TP63: variants seen among roughly 807,000 people sequenced by gnomAD.
TP63 encodes the protein tumor protein p63, also known as tumor protein 63.
Under a neutral mutation model 82.8 loss-of-function variants are expected in TP63, and 17 were observed. The ratio of observed to expected loss-of-function variants is 0.21; its 90% CI spans 0.14 to 0.31. The LOEUF is 0.31. Among genes scored for constraint, TP63 ranks in the 10% least tolerant of loss-of-function variants. TP63 has a pLI of 1.00. For synonymous variants in TP63, 330 were observed against 321.7 expected (o/e 1.03, Z -0.28); for missense variants, 648 against 895.3 (o/e 0.72, Z 3.52).
chr3:189,769,307 T>G (rs553586161), intron 3 of TP63, among the ~76,000 whole-genome samples: 63 of 152,340 alleles, frequency 4.1e-4, no homozygotes, highest in African/African-American at 1.4e-3. Context: ...GAGTAGAAGT[T>G]TATTCTGGGT....
chr3:189,701,603 G>A (rs1288583009), intron 1 of TP63, among the ~76,000 whole-genome samples: 1 of 150,226 alleles, frequency 6.7e-6, no homozygotes, highest in African/African-American at 2.4e-5. Context: ...CAGGAAATGT[G>A]GGAGGAATAC....
intron 1 of TP63, among the ~76,000 whole-genome samples, chr3:189,711,789 G>C (rs12638421): frequency 6.6e-6 from 1 of 152,138 alleles, no homozygotes; most frequent in African/African-American, 2.4e-5. Context: ...TCTCCAGTTA[G>C]GCCTATCCAC....
At chr3:189,674,548 A>G (rs1039250034) in intron 1 of TP63, among the ~76,000 whole-genome samples, 1 of 152,134 alleles carries the variant, frequency 6.6e-6, no homozygotes, top group African/African-American at 2.4e-5. Context: ...TGAGAAACAT[A>G]CAGAAAGTTT....
chr3:189,703,172 G>A (rs1000943474), intron 1 of TP63, among the ~76,000 whole-genome samples: 16 of 152,294 alleles, frequency 1.1e-4, no homozygotes, highest in African/African-American at 3.1e-4. Context: ...GGTGTCTCAC[G>A]CCTGTAATCC....
the TP63 span, among the ~76,000 whole-genome samples, chr3:189,616,981 T>C: frequency 6.6e-6 from 1 of 152,154 alleles, no homozygotes; most frequent in Non-Finnish European, 1.5e-5. Context: ...ATATGTTGCC[T>C]CCAGAACCCA....
At position 189,870,391 on chromosome 3, in the gene TP63, G is replaced by A. The variant is rs571000137; in HGVS notation, c.1212+985G>A. On this transcript the variant is annotated intron_variant, in intron 9 of 13. Coordinates refer to ENST00000264731, the MANE Select transcript of TP63 (RefSeq NM_003722.5). The stretch of plus-strand genomic sequence containing the variant: ...ATATAGTATAACAACTAATTGCATG[G>A]CATTTACATTATATTAGATATTATA... Among the ~76,000 whole-genome samples the A allele has an allele frequency of 1.8e-4, 27 of 152,140 alleles. 1 individual carries two copies. Among genetic ancestry groups the A allele is most frequent in the African/African-American group, 6.0e-4 (25 of 41,506 alleles).
At chr3:189,673,814 T>C (rs774996580) in intron 1 of TP63, among the ~76,000 whole-genome samples, 7 of 152,180 alleles carry the variant, frequency 4.6e-5, no homozygotes, top group African/African-American at 7.2e-5. Flanking sequence ...TTGTCATCAT[T>C]CATAAAATTC....
chr3:189,751,803 G>A (rs369688760), intron 3 of TP63, among the ~76,000 whole-genome samples: 38 of 152,186 alleles, frequency 2.5e-4, no homozygotes, highest in African/African-American at 6.7e-4. Flanking sequence ...TTCTTTTGCT[G>A]TGCAGAAGCT....
chr3:189,894,443 A>T lies in TP63; in HGVS notation c.1984A>T (p.Asn662Tyr). ...FPPRDEWNDF[N>Y]FDMDARRNKQ... is the part of the protein sequence containing the mutation. ...ACCCCGAGATGAGTGGAATGACTTC[A>T]ACTTTGACATGGATGCTCGCCGCAA... Residue 662 changes from asparagine (N) to tyrosine (Y), a missense_variant, in exon 14 of 14, where the codon AAC becomes TAC. This residue lies in a region of TP63 where 342 missense variants were observed against 425.7 expected (regional missense o/e 0.80). Transcript: ENST00000264731. 6.2e-7 allele frequency: 1 copy of T among 1,614,042 alleles called. No homozygotes were observed. The highest frequency in any genetic ancestry group is 8.5e-7 in the Non-Finnish European group (1 of 1,179,982).
chr3:189,834,314 C>T (rs1712801886), intron 4 of TP63, among the ~76,000 whole-genome samples: 1 of 152,156 alleles, frequency 6.6e-6, no homozygotes, highest in Non-Finnish European at 1.5e-5. Context: ...GTCTTACTGG[C>T]ACTGACAGTG....
chr3:189,727,554 G>T (rs1256255927), intron 1 of TP63, among the ~76,000 whole-genome samples: 1 of 152,170 alleles, frequency 6.6e-6, no homozygotes, highest in Non-Finnish European at 1.5e-5. Context: ...TTTTTTCCAA[G>T]AAGTTCTACT....
chr3:189,873,062 G>A, intron 10 of TP63, 67 bp downstream of exon 10: 1 of 1,608,442 alleles, frequency 6.2e-7, no homozygotes, highest in Admixed American at 1.7e-5. Context: ...TCAGCAATAG[G>A]GTGATTGATG....
intron 4 of TP63, among the ~76,000 whole-genome samples, chr3:189,814,632 T>G (rs1286911269): frequency 6.6e-6 from 1 of 152,254 alleles, no homozygotes; most frequent in Non-Finnish European, 1.5e-5. Flanking sequence ...AGGAAGAATG[T>G]ACTAAATAAA....
chr3:189,710,374 C>A (rs1718504551), intron 1 of TP63, among the ~76,000 whole-genome samples: 1 of 152,114 alleles, frequency 6.6e-6, no homozygotes, highest in African/African-American at 2.4e-5. Flanking sequence ...TACAGGTCAC[C>A]ACTCAGTTTC....
the TP63 span, among the ~76,000 whole-genome samples, chr3:189,622,400 T>C: frequency 6.6e-6 from 1 of 152,218 alleles, no homozygotes; most frequent in Non-Finnish European, 1.5e-5. Context: ...TGAGATCAGA[T>C]CCTGGCTCTA....
intron 1 of TP63, among the ~76,000 whole-genome samples, chr3:189,651,533 G>A (rs1304241526): frequency 3.2e-5 from 4 of 126,674 alleles, no homozygotes; most frequent in African/African-American, 5.9e-5. Context: ...GCAACAGAGT[G>A]AGATTCCATA....
Position 189,864,239 on chromosome 3 carries a change from C to T in TP63, c.587C>T (p.Thr196Ile). ...GGCCCCAACTCTAAGCAGTATTCCACTGAACTGAAGAAACTCTACTGCCAA... is the reference window on the plus strand; with the variant it reads ...GGCCCCAACTCTAAGCAGTATTCCATTGAACTGAAGAAACTCTACTGCCAA... ...TAKSATWTYS[T>I]ELKKLYCQIA... The change falls in exon 5 of 14, where the codon ACT becomes ATT. Residue 196 changes from threonine to isoleucine, a missense_variant. Transcript: ENST00000264731. 6.2e-7 allele frequency: 1 copy of T among 1,614,176 alleles called. No individual in the cohort carries two copies. The highest frequency in any genetic ancestry group is 8.5e-7 in the Non-Finnish European group (1 of 1,180,022).
chr3:189,621,502 A>G, the TP63 span, among the ~76,000 whole-genome samples: 1 of 151,922 alleles, frequency 6.6e-6, no homozygotes, highest in African/African-American at 2.4e-5. Flanking sequence ...TACATGTTAC[A>G]CTATAGTATA....
intron 3 of TP63, among the ~76,000 whole-genome samples, chr3:189,740,512 T>G (rs955076255): frequency 2.6e-5 from 4 of 152,128 alleles, no homozygotes; most frequent in Non-Finnish European, 4.4e-5. Context: ...GATTTTTGTT[T>G]TTTTATGAGC....
Sources: allele counts gnomAD v4.1 joint callset (sites outside exome capture counted in the v4.1 genomes callset), GRCh38; gene constraint gnomAD v4.1.1; regional missense constraint gnomAD v4.1.1; transcripts MANE v1.5; gene names NCBI Gene and HGNC (gene_info 2026-07-23, HGNC 2026-07-21).